TNIP3: variants seen among roughly 807,000 people sequenced by gnomAD.
TNIP3 encodes TNFAIP3 interacting protein 3.
Under a neutral mutation model 54.1 loss-of-function variants are expected in TNIP3, and 34 were observed. The observed-to-expected ratio is 0.63, with a 90% CI of 0.48 to 0.84. TNIP3 has a LOEUF of 0.84. Among genes scored for constraint, TNIP3 ranks in the 40% least tolerant of loss-of-function variants. TNIP3 has a pLI of 0.00. For synonymous variants in TNIP3, 134 were observed against 136.8 expected, an observed-to-expected ratio of 0.98 and a Z score of 0.14; for missense variants, 366 against 387.6, an observed-to-expected ratio of 0.94 and a Z score of 0.47.
At chr4:121,138,549 T>A (rs940882894) in intron 10 of TNIP3, 75 bp downstream of exon 10, 5 of 1,369,678 alleles carry the variant, frequency 3.7e-6, no homozygotes, top group Non-Finnish European at 5.2e-6. Flanking sequence ...AATGAATGTA[T>A]GTTGAGTAAA....
intron 2 of TNIP3, among the ~76,000 whole-genome samples, chr4:121,205,128 A>C (rs1726109503): frequency 1.3e-5 from 2 of 152,214 alleles, no homozygotes; most frequent in Non-Finnish European, 2.9e-5. Flanking sequence ...AAGTGGAATC[A>C]GGGTTATGAG....
chr4:121,144,598 C>T lies in TNIP3; in HGVS notation c.736-1822G>A, dbSNP rs547410814. ...TGTGCTTTTAGTAGAGACAGGGTTT[C>T]GCCATTTTGGCCAGGCTGGTCTCAA... On this transcript the variant is annotated intron_variant, in intron 7 of 10. Coordinates refer to ENST00000057513, the MANE Select transcript of TNIP3 (RefSeq NM_024873.6). 1.6e-3 allele frequency among the ~76,000 whole-genome samples: 246 copies of T among 152,270 alleles called. 2 individuals carry two copies. The highest frequency in any genetic ancestry group is 3.7e-3 in the African/African-American group (153 of 41,552).
intron 10 of TNIP3, among the ~76,000 whole-genome samples, chr4:121,133,897 A>G (rs553851150): frequency 6.6e-6 from 1 of 152,048 alleles, no homozygotes; most frequent in Admixed American, 6.6e-5. Context: ...ACCTGGAGCT[A>G]CTAGATGCTG....
At chr4:121,205,317 G>A (rs1297459616) in intron 2 of TNIP3, among the ~76,000 whole-genome samples, 3 of 152,180 alleles carry the variant, frequency 2.0e-5, no homozygotes, top group Non-Finnish European at 4.4e-5. Context: ...TAGAGCTTGT[G>A]TGGTTTTTCC....
At chr4:121,132,770 G>A in intron 10 of TNIP3, 108 bp from the exon 11 acceptor site, 1 of 789,948 alleles carries the variant, frequency 1.3e-6, no homozygotes, top group Non-Finnish European at 2.0e-6. Context: ...AAAAAAAAAA[G>A]TTATGTTATA....
Position 121,147,171 on chromosome 4 carries a change from G to T in TNIP3, c.613C>A (p.Gln205Lys). ...TEMEVLKQQV[Q>K]IYEEDFKKER... ...TTTTTGAAGTCTTCTTCGTATATTT[G>T]CACCTAAGAAATATTAGCTTGCTGT... The change falls in exon 7 of 11, where the codon CAA (glutamine) becomes AAA (lysine). Residue 205 changes from glutamine to lysine, a missense_variant. By Grantham distance (53) the Gln-to-Lys change is moderately conservative. Transcript: ENST00000057513. The T allele has an allele frequency of 6.2e-7, 1 of 1,606,526 alleles. No homozygotes were observed. The highest frequency in any genetic ancestry group is 1.7e-5 in the Admixed American group (1 of 58,728).
chr4:121,169,945 A>C lies in TNIP3; in HGVS notation c.190-5799T>G, dbSNP rs191115301. On this transcript the variant is annotated intron_variant, in intron 3 of 12. Transcript: ENST00000507879. The stretch of plus-strand genomic sequence containing the variant: ...GGCACATCAGATACATTAGAAGGCA[A>C]ATTGGCTTTTGTTGACGAGTCTGCA... Among the ~76,000 whole-genome samples the C allele has an allele frequency of 6.6e-5, 10 of 152,336 alleles. No homozygotes were observed. The East Asian group carries it at 1.9e-3, about 29-fold the overall frequency.
At chr4:121,198,479 A>T (rs1054550371) in intron 2 of TNIP3, among the ~76,000 whole-genome samples, 1 of 152,228 alleles carries the variant, frequency 6.6e-6, no homozygotes, top group African/African-American at 2.4e-5. Flanking sequence ...TCATTTGGCA[A>T]ATAACAACTG....
At chr4:121,142,270 A>C (rs541473742) in intron 8 of TNIP3, among the ~76,000 whole-genome samples, 1 of 152,330 alleles carries the variant, frequency 6.6e-6, no homozygotes, top group Non-Finnish European at 1.5e-5. Context: ...TAGCCAGGGA[A>C]AACTAAAATC....
At chr4:121,171,552 TAA>T (rs981995843) in intron 3 of TNIP3, among the ~76,000 whole-genome samples, 10 of 152,148 alleles carry the variant, frequency 6.6e-5, no homozygotes, top group African/African-American at 2.4e-4. Context: ...GAATAACCAA[TAA>T]AACAAATTAG....
At chr4:121,149,010 T>C (rs1296796022) in intron 6 of TNIP3, among the ~76,000 whole-genome samples, 1 of 152,192 alleles carries the variant, frequency 6.6e-6, no homozygotes, top group Non-Finnish European at 1.5e-5. Context: ...ATTATTGCCA[T>C]GAACCATTCC....
intron 3 of TNIP3, among the ~76,000 whole-genome samples, chr4:121,174,172 T>C (rs1262701516): frequency 2.0e-5 from 3 of 152,172 alleles, no homozygotes; most frequent in Non-Finnish European, 4.4e-5. Context: ...AACTACCTTC[T>C]TCCTGAGGCA....
rs112611229 is a variant in TNIP3, at chr4:121,214,219, C to T, written c.68+2196G>A. Among the ~76,000 whole-genome samples, 688 of 152,288 alleles carry T rather than the reference C, an allele frequency of 4.5e-3. 4 individuals are homozygous for T. The highest frequency in any genetic ancestry group is 0.016 in the African/African-American group (660 of 41,548). On this transcript the variant is annotated intron_variant, in intron 2 of 12. Transcript: ENST00000507879. ...GACATGGACCGCGGCCCCTGCCTCA[C>T]TGCCTCATCCCTCATCCTTCCTTCT...
intron 10 of TNIP3, among the ~76,000 whole-genome samples, chr4:121,133,675 C>A (rs1326156111): frequency 1.3e-5 from 2 of 152,106 alleles, no homozygotes; most frequent in African/African-American, 4.8e-5. Context: ...TAATCCACGG[C>A]AGAATGGAAA....
At chr4:121,158,980 G>A (rs192668118) in intron 2 of TNIP3, among the ~76,000 whole-genome samples, 1 of 152,156 alleles carries the variant, frequency 6.6e-6, no homozygotes, top group East Asian at 1.9e-4. Context: ...GGTGGCTCAC[G>A]CCTGTAATCC....
At chr4:121,151,052 T>C (rs1729720649) in intron 5 of TNIP3, among the ~76,000 whole-genome samples, 1 of 152,334 alleles carries the variant, frequency 6.6e-6, no homozygotes, top group East Asian at 1.9e-4. Context: ...TTTGGTAATA[T>C]CATATGAAAG....
chr4:121,159,408 G>A (rs1250631133), intron 2 of TNIP3, among the ~76,000 whole-genome samples: 2 of 152,238 alleles, frequency 1.3e-5, no homozygotes, highest in African/African-American at 4.8e-5. Context: ...ATAAAAATTT[G>A]TAAGTATTGA....
At chr4:121,169,687 T>C (rs542414690) in intron 3 of TNIP3, among the ~76,000 whole-genome samples, 1 of 152,292 alleles carries the variant, frequency 6.6e-6, no homozygotes, top group South Asian at 2.1e-4. Context: ...TTAAATGGGA[T>C]CTAAAGATCA....
chr4:121,138,501 A>G (rs1341665152), intron 10 of TNIP3, 123 bp downstream of exon 10: 3 of 887,108 alleles, frequency 3.4e-6, no homozygotes, highest in East Asian at 2.5e-5. Context: ...AAAGTTATGT[A>G]TGTAACACAA....
Sources: allele counts gnomAD v4.1 joint callset (sites outside exome capture counted in the v4.1 genomes callset), GRCh38; gene constraint gnomAD v4.1.1; transcripts MANE v1.5; gene names NCBI Gene and HGNC (gene_info 2026-07-23, HGNC 2026-07-21).